The following GABRR2 variants were observed in gnomAD, a reference collection of about 807,000 sequenced individuals.
The protein encoded by GABRR2 is gamma-aminobutyric acid type A receptor subunit rho2, also known as gamma-aminobutyric acid receptor subunit rho-2.
In GABRR2, 36 loss-of-function variants were observed where a neutral mutation model predicts 47.0. That is an observed-to-expected ratio of 0.77 (90% CI 0.59 to 1.01). The LOEUF (loss-of-function observed/expected upper bound fraction) is 1.01. Ranked by LOEUF, GABRR2 falls within the 50% of genes least tolerant of loss-of-function variation. The probability of loss-of-function intolerance (pLI) is 0.00; values close to 1 mark genes in which losing one functional copy is unlikely to be tolerated. For synonymous variants in GABRR2, 204 were observed against 227.5 expected, an observed-to-expected ratio of 0.90 and a Z score of 0.93; for missense variants, 587 against 594.6, an observed-to-expected ratio of 0.99 and a Z score of 0.13.
chr6:89,300,109 A>G (rs1774641102), intron 1 of GABRR2, among the ~76,000 whole-genome samples: 1 of 152,246 alleles, frequency 6.6e-6, no homozygotes, highest in Admixed American at 6.5e-5. Context: ...TGGGCAGGAC[A>G]ACATTCTACC....
intron 2 of GABRR2, among the ~76,000 whole-genome samples, chr6:89,294,923 G>A (rs1233097066): frequency 6.6e-6 from 1 of 151,536 alleles, no homozygotes; most frequent in Non-Finnish European, 1.5e-5. Flanking sequence ...AGTTTGCTGA[G>A]AATGATGGTT....
intron 2 of GABRR2, among the ~76,000 whole-genome samples, chr6:89,279,504 CT>C (rs952534721): frequency 6.6e-6 from 1 of 151,552 alleles, no homozygotes; most frequent in East Asian, 1.9e-4. Context: ...ATTCAAAAAA[CT>C]TTTTTTTGGT....
intron 2 of GABRR2, among the ~76,000 whole-genome samples, chr6:89,282,597 CA>C (rs1367728153): frequency 6.6e-6 from 1 of 152,178 alleles, no homozygotes; most frequent in African/African-American, 2.4e-5. Context: ...GAGTCGGAAG[CA>C]AAATATATAG....
At chr6:89,258,522 A>T (rs1426351824) in intron 8 of GABRR2, among the ~76,000 whole-genome samples, 1 of 149,926 alleles carries the variant, frequency 6.7e-6, no homozygotes, top group Non-Finnish European at 1.5e-5. Context: ...CCTGGGCAAC[A>T]TAGTGAGACT....
Position 89,265,312 on chromosome 6 carries a change from A to G in GABRR2, c.889+301T>C, listed in dbSNP as rs1773865700. Among the ~76,000 whole-genome samples, 9 of 152,212 alleles carry G rather than the reference A, an allele frequency of 5.9e-5. No homozygotes were observed. The South Asian group carries it at 1.9e-3, about 32-fold the overall frequency. ...TACAGAAGGAATTGTTGGCATTTGC[A>G]GAATCATCTTGTTTATCTAAATACT... On this transcript the variant is annotated intron_variant, in intron 7 of 8. Coordinates refer to ENST00000402938, the MANE Select transcript of GABRR2 (RefSeq NM_002043.5).
intron 1 of GABRR2, among the ~76,000 whole-genome samples, chr6:89,314,041 A>T (rs1236095248): frequency 6.6e-6 from 1 of 151,224 alleles, no homozygotes; most frequent in East Asian, 1.9e-4. Context: ...TTTTTTCTAA[A>T]AATAAGAAAT....
intron 1 of GABRR2, among the ~76,000 whole-genome samples, chr6:89,307,001 G>T (rs1467034730): frequency 2.0e-5 from 3 of 152,176 alleles, no homozygotes; most frequent in Non-Finnish European, 2.9e-5. Flanking sequence ...TTAGGCTAGG[G>T]TTTATCTCTG....
At position 89,276,646 on chromosome 6, in the gene GABRR2, C is replaced by T. The variant is rs556705106; in HGVS notation, c.221-4924G>A. Among the ~76,000 whole-genome samples, 6 of 151,012 alleles carry T rather than the reference C, an allele frequency of 4.0e-5. 1 individual carries two copies. Among genetic ancestry groups the T allele is most frequent in the Non-Finnish European group, 4.4e-5 (3 of 67,950 alleles). On this transcript the variant is annotated intron_variant, in intron 2 of 8. Transcript: ENST00000402938. ...ACTACCATTGTCCTAAAGGTTTTAGCCAGTGCAATAGGAAAAGAAAAAAAA... is the reference window on the plus strand; with the variant it reads ...ACTACCATTGTCCTAAAGGTTTTAGTCAGTGCAATAGGAAAAGAAAAAAAA...
intron 2 of GABRR2, among the ~76,000 whole-genome samples, chr6:89,293,293 G>T (rs948924392): frequency 3.9e-5 from 6 of 152,104 alleles, no homozygotes; most frequent in South Asian, 2.1e-4. Flanking sequence ...GGGCTGAAGG[G>T]GTGACAGAGA....
At chr6:89,292,847 T>A (rs555626869) in intron 2 of GABRR2, among the ~76,000 whole-genome samples, 1 of 140,106 alleles carries the variant, frequency 7.1e-6, no homozygotes, top group South Asian at 2.2e-4. Context: ...CGATATATCG[T>A]ATATATCATA....
chr6:89,296,047 C>T (rs1774547468), intron 2 of GABRR2, among the ~76,000 whole-genome samples: 1 of 152,172 alleles, frequency 6.6e-6, no homozygotes, highest in Admixed American at 6.5e-5. Context: ...CTACTTCTAA[C>T]TAGAAGCCTG....
intron 8 of GABRR2, 91 bp from the exon 9 acceptor site, chr6:89,258,072 CAG>C: frequency 8.6e-7 from 1 of 1,156,334 alleles, no homozygotes; most frequent in Non-Finnish European, 1.2e-6. Context: ...CATTGCTACT[CAG>C]AACCACAGAA....
intron 8 of GABRR2, among the ~76,000 whole-genome samples, chr6:89,258,523 T>C (rs1264885843): frequency 1.4e-5 from 2 of 144,028 alleles, no homozygotes; most frequent in African/African-American, 5.2e-5. Flanking sequence ...CTGGGCAACA[T>C]AGTGAGACTC....
At position 89,257,762 on chromosome 6, in the gene GABRR2, G is replaced by C. The variant is rs1471042712; in HGVS notation, c.1306C>G (p.Gln436Glu). ...LKGQTGFRIFQNTHAIDKYSR... is the reference protein window; with the variant it reads ...LKGQTGFRIFENTHAIDKYSR... ...TATTTGTCAATGGCATGGGTATTCT[G>C]GAAGATACGAAAACCCGTCTGGCCC... The change falls in exon 9 of 9, where the codon CAG becomes GAG. Residue 436 changes from glutamine (Q) to glutamate (E), a missense_variant. By Grantham distance (29) the Gln-to-Glu change is conservative (BLOSUM62 2). Transcript: ENST00000402938. The C allele has an allele frequency of 1.2e-6, 2 of 1,613,884 alleles. No individual in the cohort carries two copies. The highest frequency in any genetic ancestry group is 2.2e-5 in the South Asian group (2 of 91,066).
intron 2 of GABRR2, 68 bp from the exon 3 acceptor site, chr6:89,271,790 G>A: frequency 7.2e-7 from 1 of 1,385,616 alleles, no homozygotes; most frequent in Non-Finnish European, 1.0e-6. Context: ...AACAGCCCCA[G>A]TTGGCTTCCC....
At chr6:89,312,601 A>T (rs148759556) in intron 1 of GABRR2, among the ~76,000 whole-genome samples, 3,916 of 152,356 alleles carry the variant, frequency 0.026, 69 homozygotes, top group Non-Finnish European at 0.039. Context: ...TAAGACTGTA[A>T]TCAGAAGGGG....
Position 89,301,695 on chromosome 6 carries a change from G to A in GABRR2, c.114-1830C>T, listed in dbSNP as rs370160237. ...GTGAAAGATCTCTACAATGAGAATTGCAAAAACACCACTCAAAGAAATCAG... is the reference window on the plus strand; with the variant it reads ...GTGAAAGATCTCTACAATGAGAATTACAAAAACACCACTCAAAGAAATCAG... On this transcript the variant is annotated intron_variant, in intron 1 of 8. Coordinates refer to ENST00000402938, the MANE Select transcript of GABRR2 (RefSeq NM_002043.5). 31 of 595,056 alleles carry A rather than the reference G, an allele frequency of 5.2e-5. 1 individual carries two copies. Among genetic ancestry groups the A allele is most frequent in the African/African-American group, 4.9e-4 (27 of 54,870 alleles). 36.9% of individuals were successfully genotyped at this position (595,056 alleles called of 1,614,324 possible).
chr6:89,261,231 G>A (rs555594529), intron 8 of GABRR2, among the ~76,000 whole-genome samples: 2 of 152,286 alleles, frequency 1.3e-5, no homozygotes, highest in South Asian at 2.1e-4. Context: ...AATCAAAAGT[G>A]TTTAAATATG....
intron 1 of GABRR2, among the ~76,000 whole-genome samples, chr6:89,310,923 C>CA (rs2127852039): frequency 6.6e-6 from 1 of 152,318 alleles, no homozygotes; most frequent in Admixed American, 6.5e-5. Flanking sequence ...CGCTTTTAGA[C>CA]AAGCCTATTA....
Sources: allele counts gnomAD v4.1 joint callset (sites outside exome capture counted in the v4.1 genomes callset), GRCh38; gene constraint gnomAD v4.1.1; transcripts MANE v1.5; gene names NCBI Gene and HGNC (gene_info 2026-07-23, HGNC 2026-07-21).